CEP135: variants seen among roughly 807,000 people sequenced by gnomAD.
The protein encoded by CEP135 is centrosomal protein 135.
A neutral mutation model predicts 157.3 loss-of-function variants in CEP135; 142 were observed. The observed-to-expected ratio is 0.90, with a 90% CI of 0.79 to 1.04. CEP135 has a LOEUF of 1.04. Among genes scored for constraint, CEP135 ranks in the 50% least tolerant of loss-of-function variants. CEP135 has a pLI of 0.00. For missense variants in CEP135, 1,317 were observed against 1,309.2 expected, an observed-to-expected ratio of 1.01 and a Z score of -0.09; for synonymous variants, 396 against 439.8, an observed-to-expected ratio of 0.90 and a Z score of 1.25.
chr4:56,017,412 A>G (rs755501322), intron 21 of CEP135, among the ~76,000 whole-genome samples: 5 of 152,182 alleles, frequency 3.3e-5, no homozygotes, highest in Non-Finnish European at 7.3e-5. Context: ...ATTTCCAAAT[A>G]TATAAATATA....
At chr4:56,013,321 C>T (rs960110706) in intron 21 of CEP135, among the ~76,000 whole-genome samples, 2 of 152,174 alleles carry the variant, frequency 1.3e-5, no homozygotes, top group East Asian at 3.9e-4. Flanking sequence ...AATATTTTCT[C>T]CCATTGTGTG....
At chr4:56,023,786 A>G (rs1442977088) in intron 24 of CEP135, among the ~76,000 whole-genome samples, 1 of 141,614 alleles carries the variant, frequency 7.1e-6, no homozygotes, top group East Asian at 2.0e-4. Context: ...TGTATTTTAT[A>G]TAGTATATTT....
chr4:55,968,357 A>G (rs771270950), intron 8 of CEP135, among the ~76,000 whole-genome samples: 7 of 150,654 alleles, frequency 4.6e-5, no homozygotes, highest in Non-Finnish European at 7.4e-5. Flanking sequence ...CGCATTCCCT[A>G]TCAAAATCCC....
intron 21 of CEP135, among the ~76,000 whole-genome samples, chr4:56,014,931 G>A (rs1410470408): frequency 1.3e-5 from 2 of 152,052 alleles, no homozygotes; most frequent in Non-Finnish European, 2.9e-5. Flanking sequence ...ATGGTGGCAC[G>A]TGGCTGTAGT....
At chr4:56,029,566 A>T (rs557597183) in intron 25 of CEP135, among the ~76,000 whole-genome samples, 11 of 152,228 alleles carry the variant, frequency 7.2e-5, no homozygotes, top group African/African-American at 2.4e-4. Context: ...ATGTTCTGAG[A>T]AATTTGTTTT....
At chr4:56,017,602 T>G (rs1730819446) in intron 21 of CEP135, 46 bp from the exon 22 acceptor site, 1 of 1,462,412 alleles carries the variant, frequency 6.8e-7, no homozygotes, top group Non-Finnish European at 9.2e-7. Context: ...TTCTTAAAAT[T>G]ATTGGGTTAT....
chr4:55,964,644 A>G (rs1728787891), intron 7 of CEP135, among the ~76,000 whole-genome samples: 1 of 152,180 alleles, frequency 6.6e-6, no homozygotes, highest in Non-Finnish European at 1.5e-5. Context: ...AACAATTTAA[A>G]GGAAGAGAAT....
At chr4:56,015,580 T>C (rs935275785) in intron 21 of CEP135, among the ~76,000 whole-genome samples, 2 of 152,254 alleles carry the variant, frequency 1.3e-5, no homozygotes, top group Non-Finnish European at 1.5e-5. Context: ...TGAAATCTAA[T>C]GGATTCAGCC....
intron 8 of CEP135, among the ~76,000 whole-genome samples, chr4:55,966,952 A>C (rs1728862499): frequency 6.6e-6 from 1 of 152,106 alleles, no homozygotes; most frequent in South Asian, 2.1e-4. Context: ...TGTTCTTTTA[A>C]TTATAGCCAG....
chr4:55,974,174 A>G (rs1432029724), intron 10 of CEP135, among the ~76,000 whole-genome samples: 47 of 152,238 alleles, frequency 3.1e-4, no homozygotes, highest in Non-Finnish European at 2.9e-5. Flanking sequence ...ATGAGAATAA[A>G]TCAGAATACA....
At chr4:55,967,736 G>A (rs1041656506) in intron 8 of CEP135, among the ~76,000 whole-genome samples, 7 of 152,088 alleles carry the variant, frequency 4.6e-5, no homozygotes, top group African/African-American at 1.7e-4. Context: ...ATTTTATATA[G>A]TGCCACCTCT....
In CEP135 at chr4:55,952,178, G is replaced by A; in HGVS notation, c.48G>A (p.Leu16=). The stretch of plus-strand genomic sequence containing the variant: ...AGTATATTAATATTAGGAAAAGGCT[G>A]GATCAGCTGGGATACCGCCAGACTC... ...ERKYINIRKR[L]DQLGYRQTLT... The change falls in exon 2 of 26, where the codon CTG becomes CTA. Residue 16 remains leucine (L), a synonymous_variant. Coordinates refer to ENST00000257287, the MANE Select transcript of CEP135 (RefSeq NM_025009.5). 1 of 1,613,390 alleles carries A rather than the reference G, an allele frequency of 6.2e-7. No homozygotes were observed. The highest frequency in any genetic ancestry group is 8.5e-7 in the Non-Finnish European group (1 of 1,179,380).
At chr4:56,028,523 A>G (rs1273512849) in intron 25 of CEP135, among the ~76,000 whole-genome samples, 2 of 152,088 alleles carry the variant, frequency 1.3e-5, no homozygotes, top group Non-Finnish European at 2.9e-5. Context: ...TTATTTACTA[A>G]TCCATTTCCC....
chr4:56,008,757 A>G (rs546879702), intron 18 of CEP135, among the ~76,000 whole-genome samples: 1 of 152,360 alleles, frequency 6.6e-6, no homozygotes, highest in Admixed American at 6.5e-5. Context: ...CATTTTATGT[A>G]TAGTCTCTCT....
At chr4:55,966,229 G>A (rs974403496) in intron 8 of CEP135, 9 of 185,702 alleles carry the variant, frequency 4.8e-5, no homozygotes, top group Non-Finnish European at 8.8e-5. Flanking sequence ...CAGAATCTCT[G>A]TCTCCCAGGC....
chr4:55,976,844 C>G (rs1311196934), intron 11 of CEP135, among the ~76,000 whole-genome samples: 1 of 152,112 alleles, frequency 6.6e-6, no homozygotes, highest in African/African-American at 2.4e-5. Context: ...GGATATGGCT[C>G]TGTCACCCAG....
In CEP135 at chr4:56,011,858, A is replaced by G. The variant is rs146257324; in HGVS notation, c.2675A>G (p.Asp892Gly). ...RFQMLHNRAE[D>G]WEVKAHQAEG... ...CAGATGCTTCATAACCGTGCTGAAG[A>G]CTGGGAGGTCAAAGCCCATCAAGCT... Residue 892 changes from aspartate to glycine, a missense_variant, in exon 21 of 26, where the codon GAC becomes GGC. Asp to Gly is a moderately conservative substitution (Grantham distance 94, BLOSUM62 -1). Coordinates refer to ENST00000257287, the MANE Select transcript of CEP135 (RefSeq NM_025009.5). 2.1e-5 allele frequency: 33 copies of G among 1,605,836 alleles called. No individual in the cohort carries two copies. Among genetic ancestry groups the G allele is most frequent in the Non-Finnish European group, 2.5e-5 (30 of 1,176,920 alleles).
At chr4:56,014,108 C>G (rs1340542706) in intron 21 of CEP135, among the ~76,000 whole-genome samples, 1 of 152,132 alleles carries the variant, frequency 6.6e-6, no homozygotes, top group Non-Finnish European at 1.5e-5. Context: ...CCTGCCAACA[C>G]CTGAATTTTG....
chr4:56,011,866 G>A lies in CEP135; in HGVS notation c.2683G>A (p.Val895Ile). Residue 895 changes from valine (V) to isoleucine (I), a missense_variant, in exon 21 of 26, where the codon GTC becomes ATC. Transcript: ENST00000257287. ...MLHNRAEDWE[V>I]KAHQAEGESS... ...TCATAACCGTGCTGAAGACTGGGAGGTCAAAGCCCATCAAGCTGAGGGAGA... is the reference window on the plus strand; with the variant it reads ...TCATAACCGTGCTGAAGACTGGGAGATCAAAGCCCATCAAGCTGAGGGAGA... 6.2e-7 allele frequency: 1 copy of A among 1,607,848 alleles called. No individual in the cohort carries two copies. The highest frequency in any genetic ancestry group is 8.5e-7 in the Non-Finnish European group (1 of 1,177,150).
Sources: allele counts gnomAD v4.1 joint callset (sites outside exome capture counted in the v4.1 genomes callset), GRCh38; gene constraint gnomAD v4.1.1; transcripts MANE v1.5; gene names NCBI Gene and HGNC (gene_info 2026-07-23, HGNC 2026-07-21).